The following FAM170A variants were observed in gnomAD, a reference collection of about 807,000 sequenced individuals.
FAM170A encodes family with sequence similarity 170 member A, also known as protein FAM170A.
FAM170A carries 28 observed loss-of-function variants against 36.6 expected under a neutral mutation model. The ratio of observed to expected loss-of-function variants is 0.76; its 90% CI spans 0.57 to 1.05. FAM170A has a LOEUF of 1.05. Ranked by LOEUF, FAM170A falls within the 50% of genes least tolerant of loss-of-function variation. FAM170A has a pLI of 0.00. For synonymous variants in FAM170A, 156 were observed against 143.9 expected (o/e 1.08, Z -0.60); for missense variants, 434 against 396.5 (o/e 1.09, Z -0.80).
At chr5:119,633,046 G>T (rs1176564168) in intron 2 of FAM170A, among the ~76,000 whole-genome samples, 158 bp downstream of exon 2, 2 of 152,062 alleles carry the variant, frequency 1.3e-5, no homozygotes, top group Admixed American at 6.6e-5. Context: ...TGGGTTTGGG[G>T]CTCCTTCGGT....
chr5:119,632,791 T>C, exon 2 of FAM170A: 1 of 1,612,364 alleles, frequency 6.2e-7, no homozygotes. Flanking sequence ...CTGGATCCAC[T>C]AGAGTGGCCA....
exon 3 of FAM170A, chr5:119,634,398 C>T (rs748557979): frequency 6.2e-7 from 1 of 1,614,144 alleles, no homozygotes; most frequent in Admixed American, 1.7e-5. Context: ...AGAGCCAAGA[C>T]TCCTGACTGG....
chr5:119,632,850 G>A (rs1250413033), exon 2 of FAM170A: 8 of 1,612,088 alleles, frequency 5.0e-6, no homozygotes, highest in Non-Finnish European at 6.8e-6. Flanking sequence ...TCCGAATACT[G>A]CTCCTGCGTT....
At chr5:119,631,178 G>A (rs1179291291) in intron 1 of FAM170A, among the ~76,000 whole-genome samples, 1 of 152,184 alleles carries the variant, frequency 6.6e-6, no homozygotes, top group Non-Finnish European at 1.5e-5. Context: ...AGGAGACAGG[G>A]CAGAAAGGAG....
chr5:119,635,030 G>T lies in FAM170A; in HGVS notation c.987-1G>T. ...TCTTTGGTTTGATTTTCACACAGCAGCTGAGACTTATGGGCCAGAAGATAC... is the reference window on the plus strand; with the variant it reads ...TCTTTGGTTTGATTTTCACACAGCATCTGAGACTTATGGGCCAGAAGATAC... On this transcript the variant is annotated splice_acceptor_variant, in intron 3 of 4. Transcript: ENST00000613773. LOFTEE classifies it high-confidence loss of function. 6.2e-7 allele frequency: 1 copy of T among 1,614,168 alleles called. No homozygotes were observed. The highest frequency in any genetic ancestry group is 8.5e-7 in the Non-Finnish European group (1 of 1,179,994).
chr5:119,634,117 A>G, exon 3 of FAM170A: 1 of 1,614,084 alleles, frequency 6.2e-7, no homozygotes, highest in Non-Finnish European at 8.5e-7. Flanking sequence ...ACAAAGAGGA[A>G]AGGGGCATGA....
chr5:119,634,441 G>A (rs1416630378), exon 3 of FAM170A: 1 of 1,614,174 alleles, frequency 6.2e-7, no homozygotes, highest in Admixed American at 1.7e-5. Flanking sequence ...TCAGGTGCAT[G>A]GCCTGCTGCC....
exon 3 of FAM170A, chr5:119,634,072 A>C (rs765417048): frequency 1.8e-4 from 288 of 1,613,994 alleles, no homozygotes; most frequent in Non-Finnish European, 2.3e-4. Flanking sequence ...CGTCCTATTC[A>C]TCCTATAAGA....
In FAM170A at chr5:119,632,897, G is replaced by A. The variant is rs1340732348; in HGVS notation, c.211+9G>A. 1 of 1,576,028 alleles carries A rather than the reference G, an allele frequency of 6.3e-7. No individual in the cohort carries two copies. The highest frequency in any genetic ancestry group is 1.2e-5 in the South Asian group (1 of 86,794). On this transcript the variant is annotated intron_variant, in intron 2 of 4. Transcript: ENST00000613773. The stretch of plus-strand genomic sequence containing the variant: ...CAAGCTCATCCACAGTGGTAAGGGT[G>A]CAGGGTTCCTTCGGCACGTGGCTCC...
At chr5:119,630,392 C>T (rs1164655631) in intron 1 of FAM170A, among the ~76,000 whole-genome samples, 3 of 145,866 alleles carry the variant, frequency 2.1e-5, no homozygotes, top group African/African-American at 7.8e-5. Context: ...AGGATGGTTT[C>T]GATCTCCTGA....
chr5:119,632,942 G>A, intron 2 of FAM170A, 54 bp downstream of exon 2: 1 of 1,510,690 alleles, frequency 6.6e-7, no homozygotes. Context: ...GGGTTCATTG[G>A]GCATGAAAAT....
chr5:119,633,880 A>G lies in FAM170A; in HGVS notation c.212-80A>G. On this transcript the variant is annotated intron_variant, in intron 2 of 4. Coordinates refer to ENST00000613773, the Ensembl canonical transcript of FAM170A. ...TCTCACCACAGTCCCTGTCTCCTGC[A>G]CCACACATATTTAACTTACGTTCCC... 4.6e-6 allele frequency: 7 copies of G among 1,528,218 alleles called. No homozygotes were observed. The Middle Eastern group carries it at 8.9e-4, about 193-fold the overall frequency. The allele number at this position is 1,528,218 out of a possible 1,614,324, so 94.7% of individuals were successfully genotyped here.
At chr5:119,631,234 CAG>C (rs1756244044) in intron 1 of FAM170A, among the ~76,000 whole-genome samples, 1 of 152,224 alleles carries the variant, frequency 6.6e-6, no homozygotes, top group African/African-American at 2.4e-5. Flanking sequence ...GATTAGAGCT[CAG>C]CAGCGCCTAT....
exon 3 of FAM170A, chr5:119,634,134 A>G (rs200774393): frequency 4.3e-6 from 7 of 1,614,092 alleles, no homozygotes; most frequent in Non-Finnish European, 5.9e-6. Context: ...ATGAAAATAT[A>G]CTACATGCAG....
At chr5:119,631,063 G>A (rs761130865) in intron 1 of FAM170A, among the ~76,000 whole-genome samples, 1 of 152,170 alleles carries the variant, frequency 6.6e-6, no homozygotes, top group African/African-American at 2.4e-5. Context: ...TGAAGCACAG[G>A]GTAAGGGCCT....
intron 2 of FAM170A, 135 bp from the exon 3 acceptor site, chr5:119,633,825 A>G: frequency 8.5e-7 from 1 of 1,180,970 alleles, no homozygotes; most frequent in South Asian, 1.6e-5. Context: ...CAATATGAAC[A>G]ACAAATACCA....
intron 2 of FAM170A, 32 bp downstream of exon 2, chr5:119,632,920 T>C: frequency 2.6e-6 from 4 of 1,546,528 alleles, no homozygotes; most frequent in Non-Finnish European, 3.5e-6. Flanking sequence ...GGCACGTGGC[T>C]CCTTGGCTGT....
In FAM170A at chr5:119,629,765, T is replaced by C. The variant is rs547958348; in HGVS notation, c.-4T>C. On this transcript the variant is annotated 5_prime_UTR_variant, in exon 1 of 5. Coordinates refer to ENST00000613773, the Ensembl canonical transcript of FAM170A. Reference sequence around the variant, plus strand: ...ATCTTCTAGAAACTCTTCTAGCTGATATCATGAAACGACGACAAAAGAGGA... The same window carrying C: ...ATCTTCTAGAAACTCTTCTAGCTGACATCATGAAACGACGACAAAAGAGGA... 4 of 1,612,380 alleles carry C rather than the reference T, an allele frequency of 2.5e-6. No homozygotes were observed. In the South Asian group the frequency reaches 3.3e-5, roughly 13 times the overall value.
chr5:119,633,987 C>G, exon 3 of FAM170A: 2 of 1,613,536 alleles, frequency 1.2e-6, no homozygotes, highest in Non-Finnish European at 1.7e-6. Context: ...CGAGACAGCC[C>G]CCAGCCTCAA....
Sources: allele counts gnomAD v4.1 joint callset (sites outside exome capture counted in the v4.1 genomes callset), GRCh38; gene constraint gnomAD v4.1.1; transcripts MANE v1.5; gene names NCBI Gene and HGNC (gene_info 2026-07-23, HGNC 2026-07-21).